Variants in PRKAG2 observed in about 807,000 individuals in gnomAD.
PRKAG2 encodes the protein protein kinase AMP-activated non-catalytic subunit gamma 2.
PRKAG2 carries 26 observed loss-of-function variants against 69.6 expected under a neutral mutation model. The ratio of observed to expected loss-of-function variants is 0.37; its 90% CI spans 0.27 to 0.52. PRKAG2 has a LOEUF of 0.52. Ranked by LOEUF, PRKAG2 falls within the 20% of genes least tolerant of loss-of-function variation. PRKAG2 has a pLI of 0.90. For missense variants in PRKAG2, 557 were observed against 740.0 expected (o/e 0.75, Z 2.87); for synonymous variants, 293 against 285.0 (o/e 1.03, Z -0.28).
chr7:151,840,274 C>T (rs940504567), intron 1 of PRKAG2, among the ~76,000 whole-genome samples: 2 of 152,154 alleles, frequency 1.3e-5, no homozygotes, highest in African/African-American at 4.8e-5. Flanking sequence ...GCCCAGAATG[C>T]AACTGGCTGG....
At chr7:151,631,656 C>T (rs1232940024) in intron 5 of PRKAG2, 4 of 456,426 alleles carry the variant, frequency 8.8e-6, no homozygotes, top group Non-Finnish European at 1.8e-5. Context: ...TCTTCACAGG[C>T]GCAGATAAGG....
chr7:151,609,532 T>C (rs1335673180), intron 5 of PRKAG2, among the ~76,000 whole-genome samples: 1 of 152,166 alleles, frequency 6.6e-6, no homozygotes, highest in Non-Finnish European at 1.5e-5. Context: ...GTCCTATTTA[T>C]AAAAATAACA....
intron 5 of PRKAG2, among the ~76,000 whole-genome samples, chr7:151,631,198 A>G (rs1402402380): frequency 6.6e-6 from 1 of 152,236 alleles, no homozygotes; most frequent in East Asian, 1.9e-4. Flanking sequence ...TAAATAAATA[A>G]TGGAAGCACA....
In PRKAG2 at chr7:151,781,228, G is replaced by C. The variant is rs1400706351; in HGVS notation, c.390C>G (p.Ser130=). 1.9e-6 allele frequency: 3 copies of C among 1,613,988 alleles called. No individual in the cohort carries two copies. Among genetic ancestry groups the C allele is most frequent in the Non-Finnish European group, 2.5e-6 (3 of 1,180,054 alleles). The change falls in exon 3 of 16, where the codon TCC becomes TCG. Residue 130 remains serine (S), a synonymous_variant. Coordinates refer to ENST00000287878, the MANE Select transcript of PRKAG2 (RefSeq NM_016203.4). The surrounding 1 kb of genome is among the most constrained non-coding windows in gnomAD (Gnocchi z 6.1). ...RMSFSGIFRS[S]SKESSPNSNP... ...TGGAGTTGGGGGAAGACTCTTTGGA[G>C]GAGGAGCGGAAGATCCCACTGAAGC...
At chr7:151,695,625 CTA>C (rs1341754170) in intron 3 of PRKAG2, among the ~76,000 whole-genome samples, 1 of 152,220 alleles carries the variant, frequency 6.6e-6, no homozygotes, top group Non-Finnish European at 1.5e-5. Context: ...GCACAACTAA[CTA>C]GAGCTGCTCA....
intron 12 of PRKAG2, 113 bp downstream of exon 12, chr7:151,565,607 C>T: frequency 7.0e-7 from 1 of 1,434,862 alleles, no homozygotes. Flanking sequence ...TGAATTTATT[C>T]ACCATACCCA....
At chr7:151,624,095 T>C (rs1426876307) in intron 5 of PRKAG2, among the ~76,000 whole-genome samples, 1 of 151,958 alleles carries the variant, frequency 6.6e-6, no homozygotes, top group Non-Finnish European at 1.5e-5. Flanking sequence ...GTTATATAAA[T>C]TCAGATACAT....
intron 5 of PRKAG2, among the ~76,000 whole-genome samples, chr7:151,625,323 G>A (rs138752154): frequency 6.6e-6 from 1 of 152,252 alleles, no homozygotes; most frequent in Non-Finnish European, 1.5e-5. Context: ...GCCTGGAGGA[G>A]CAAGGCAGTT....
At chr7:151,792,853 C>T (rs1224631792) in intron 1 of PRKAG2, among the ~76,000 whole-genome samples, 1 of 152,230 alleles carries the variant, frequency 6.6e-6, no homozygotes, top group Non-Finnish European at 1.5e-5. Flanking sequence ...CTGGGCCTTG[C>T]GTCCGCCGAG....
rs186113510 is a variant in PRKAG2 at position 151,761,697 on chromosome 7, T to C, written c.466+19455A>G. ...ACCGGACTCATGTCAGTTAACTCTT[T>C]CTTTACTGTGACGCCGTGGTCTCAG... On this transcript the variant is annotated intron_variant, in intron 3 of 15. Transcript: ENST00000287878. Among the ~76,000 whole-genome samples the C allele has an allele frequency of 9.2e-5, 14 of 152,330 alleles. 1 individual carries two copies. The highest frequency in any genetic ancestry group is 3.4e-3 in the Middle Eastern group (1 of 294).
intron 3 of PRKAG2, among the ~76,000 whole-genome samples, chr7:151,734,677 G>C (rs748671561): frequency 2.6e-5 from 4 of 152,124 alleles, no homozygotes; most frequent in African/African-American, 4.8e-5. Flanking sequence ...AGCCTCCTGA[G>C]TAGCTGGGAC....
chr7:151,717,457 G>T (rs1038966435), intron 3 of PRKAG2, among the ~76,000 whole-genome samples: 1 of 152,194 alleles, frequency 6.6e-6, no homozygotes, highest in African/African-American at 2.4e-5. Context: ...AATTTCATAT[G>T]CAGGAACTTT....
chr7:151,763,225 A>G (rs2151761688), intron 3 of PRKAG2, among the ~76,000 whole-genome samples: 1 of 152,334 alleles, frequency 6.6e-6, no homozygotes, highest in South Asian at 2.1e-4. Context: ...AAGGCCACAC[A>G]CAGTCAGACG....
At chr7:151,741,623 G>A (rs985807739) in intron 3 of PRKAG2, among the ~76,000 whole-genome samples, 29 of 150,106 alleles carry the variant, frequency 1.9e-4, no homozygotes, top group Middle Eastern at 3.4e-3. Flanking sequence ...GCGATGAGCC[G>A]AGATCATGCC....
intron 1 of PRKAG2, among the ~76,000 whole-genome samples, chr7:151,808,516 G>A (rs1248122728): frequency 1.3e-5 from 2 of 152,016 alleles, no homozygotes; most frequent in Non-Finnish European, 2.9e-5. Context: ...ATGGCTGAGC[G>A]CCTGGTGATG....
intron 5 of PRKAG2, among the ~76,000 whole-genome samples, chr7:151,626,630 C>T (rs895988676): frequency 1.3e-5 from 2 of 151,908 alleles, no homozygotes; most frequent in Non-Finnish European, 2.9e-5. Flanking sequence ...GAGGTCAGTG[C>T]CCCGCAGTAG....
intron 5 of PRKAG2, among the ~76,000 whole-genome samples, chr7:151,606,734 G>A (rs1481559246): frequency 6.6e-6 from 1 of 152,028 alleles, no homozygotes; most frequent in East Asian, 1.9e-4. Flanking sequence ...GTAGAGGAAC[G>A]GCTGGAACCC....
chr7:151,615,685 C>T (rs1819957655), intron 5 of PRKAG2, among the ~76,000 whole-genome samples: 1 of 152,024 alleles, frequency 6.6e-6, no homozygotes, highest in Non-Finnish European at 1.5e-5. Context: ...GTCCAATATC[C>T]AGGATCAATA....
At chr7:151,755,729 CT>C (rs1276387053) in intron 3 of PRKAG2, among the ~76,000 whole-genome samples, 1 of 152,170 alleles carries the variant, frequency 6.6e-6, no homozygotes, top group Non-Finnish European at 1.5e-5. Flanking sequence ...TACCATCTGG[CT>C]TTTTACAGGA....
Sources: gnomAD v4.1 joint callset for allele counts (sites outside exome capture counted in the v4.1 genomes callset) on GRCh38, gnomAD v4.1.1 for gene constraint, Gnocchi (gnomAD v3.1) non-coding constraint, MANE v1.5 for transcripts, NCBI Gene and HGNC (gene_info 2026-07-23, HGNC 2026-07-21) for gene names.